Variants in CFAP54 observed in about 807,000 individuals in gnomAD.
CFAP54 encodes cilia- and flagella-associated protein 54.
Under a neutral mutation model 370.4 loss-of-function variants are expected in CFAP54, and 290 were observed. The ratio of observed to expected loss-of-function variants is 0.78; its 90% CI spans 0.71 to 0.86. The LOEUF (loss-of-function observed/expected upper bound fraction) is 0.86, where lower values mean the gene tolerates loss of function less well. Among genes scored for constraint, CFAP54 ranks in the 40% least tolerant of loss-of-function variants. The probability of loss-of-function intolerance (pLI) is 0.00; values close to 1 mark genes in which losing one functional copy is unlikely to be tolerated. For missense variants in CFAP54, 3,399 were observed against 3,528.7 expected (o/e 0.96, Z 0.93); for synonymous variants, 1,206 against 1,236.5 (o/e 0.98, Z 0.52).
At chr12:96,729,607 A>C (rs1266116774) in intron 50 of CFAP54, among the ~76,000 whole-genome samples, 1 of 152,094 alleles carries the variant, frequency 6.6e-6, no homozygotes, top group Non-Finnish European at 1.5e-5. Context: ...TTCCTTAACC[A>C]GGAAAGGGAA....
chr12:96,542,579 T>G (rs1320441878), intron 14 of CFAP54, among the ~76,000 whole-genome samples: 1 of 152,124 alleles, frequency 6.6e-6, no homozygotes, highest in Non-Finnish European at 1.5e-5. Flanking sequence ...TCATTTCATC[T>G]CTCCCTGCAA....
intron 65 of CFAP54, among the ~76,000 whole-genome samples, chr12:96,825,970 A>C (rs1313802447): frequency 2.8e-5 from 4 of 142,854 alleles, no homozygotes; most frequent in Non-Finnish European, 6.1e-5. Context: ...TATATAACAT[A>C]ATATATTAAT....
At chr12:96,595,713 C>T (rs193047031) in intron 25 of CFAP54, among the ~76,000 whole-genome samples, 4 of 152,236 alleles carry the variant, frequency 2.6e-5, no homozygotes, top group Admixed American at 2.0e-4. Context: ...AGTTGACAGC[C>T]TTCTGGGTCA....
At chr12:96,848,099 C>A (rs544762655) in intron 66 of CFAP54, among the ~76,000 whole-genome samples, 1 of 152,172 alleles carries the variant, frequency 6.6e-6, no homozygotes, top group East Asian at 1.9e-4. Flanking sequence ...GTTTTTGAGA[C>A]GGTGTCTTGC....
At chr12:96,500,480 C>T (rs990825582) in intron 1 of CFAP54, among the ~76,000 whole-genome samples, 25 of 152,150 alleles carry the variant, frequency 1.6e-4, no homozygotes, top group Non-Finnish European at 3.5e-4. Flanking sequence ...AGGTTCATCA[C>T]AACAAAGGTA....
Position 96,798,715 on chromosome 12 carries a change from C to T in CFAP54, c.8850+6216C>T, listed in dbSNP as rs79924662. Among the ~76,000 whole-genome samples the T allele has an allele frequency of 6.8e-3, 1,037 of 152,236 alleles. 9 individuals are homozygous for T. Among genetic ancestry groups the T allele is most frequent in the African/African-American group, 0.023 (966 of 41,546 alleles). On this transcript the variant is annotated intron_variant, in intron 63 of 67. Coordinates refer to ENST00000524981, the MANE Select transcript of CFAP54 (RefSeq NM_001306084.2). ...ATCTGTAATTAGAGATAACTATAAACTCCTAACCTCAATAAAGAGTAGTTG... is the reference window on the plus strand; with the variant it reads ...ATCTGTAATTAGAGATAACTATAAATTCCTAACCTCAATAAAGAGTAGTTG...
At chr12:96,798,194 C>T (rs905121777) in intron 63 of CFAP54, among the ~76,000 whole-genome samples, 8 of 151,838 alleles carry the variant, frequency 5.3e-5, no homozygotes, top group East Asian at 1.9e-4. Context: ...TACATATTTA[C>T]TATTTGGTTT....
At chr12:96,632,489 G>A (rs987379124) in intron 32 of CFAP54, among the ~76,000 whole-genome samples, 2 of 151,698 alleles carry the variant, frequency 1.3e-5, no homozygotes, top group Non-Finnish European at 2.9e-5. Context: ...TCAGTTGGCC[G>A]GCACAATTTA....
At chr12:96,608,708 C>T (rs539512962) in intron 26 of CFAP54, among the ~76,000 whole-genome samples, 8 of 152,106 alleles carry the variant, frequency 5.3e-5, no homozygotes, top group South Asian at 4.2e-4. Context: ...GTCATTCACC[C>T]GCCACACCCT....
intron 39 of CFAP54, among the ~76,000 whole-genome samples, chr12:96,677,094 C>T (rs1957218557): frequency 6.6e-6 from 1 of 151,722 alleles, no homozygotes; most frequent in Non-Finnish European, 1.5e-5. Context: ...CCTGGAACTC[C>T]TGGGCTCAGG....
Position 96,569,295 on chromosome 12 carries a change from G to T in CFAP54, c.2619+4530G>T, listed in dbSNP as rs536676871. 5.9e-5 allele frequency among the ~76,000 whole-genome samples: 9 copies of T among 152,252 alleles called. No homozygotes were observed. In the South Asian group the frequency reaches 1.9e-3, roughly 32 times the overall value. ...TATCAGATGTAATCAGGTGGGACTGGTCCTCAAGAGGAAAACTAATGATGC... is the reference window on the plus strand; with the variant it reads ...TATCAGATGTAATCAGGTGGGACTGTTCCTCAAGAGGAAAACTAATGATGC... On this transcript the variant is annotated intron_variant, in intron 19 of 67. Coordinates refer to ENST00000524981, the MANE Select transcript of CFAP54 (RefSeq NM_001306084.2).
At chr12:96,733,577 A>G (rs945177700) in intron 50 of CFAP54, among the ~76,000 whole-genome samples, 7 of 125,666 alleles carry the variant, frequency 5.6e-5, no homozygotes, top group Non-Finnish European at 1.2e-4. Flanking sequence ...GTTCCTTCCT[A>G]TTCTCCTTTA....
At chr12:96,520,986 A>G (rs1337648460) in intron 6 of CFAP54, among the ~76,000 whole-genome samples, 1 of 152,126 alleles carries the variant, frequency 6.6e-6, no homozygotes, top group Non-Finnish European at 1.5e-5. Flanking sequence ...CAGAAAGACA[A>G]CTCATCATGT....
At chr12:96,739,472 T>C (rs137936921) in intron 50 of CFAP54, among the ~76,000 whole-genome samples, 1 of 152,266 alleles carries the variant, frequency 6.6e-6, no homozygotes, top group Non-Finnish European at 1.5e-5. Flanking sequence ...GATTAAACAA[T>C]AATTTAGCTT....
intron 36 of CFAP54, among the ~76,000 whole-genome samples, chr12:96,656,531 G>A (rs1011936703): frequency 4.6e-5 from 7 of 152,214 alleles, no homozygotes; most frequent in East Asian, 3.9e-4. Flanking sequence ...ACAGGCATGC[G>A]CCACCACACC....
Position 96,499,947 on chromosome 12 carries a change from AAAAACAAAAC to A in CFAP54, c.318-857_318-848del, listed in dbSNP as rs147160957. Among the ~76,000 whole-genome samples, 1,008 of 148,802 alleles carry A rather than the reference AAAAACAAAAC, an allele frequency of 6.8e-3. 11 individuals carry two copies. The highest frequency in any genetic ancestry group is 0.028 in the South Asian group (130 of 4,590). ...TGTGACAGGAGCAAGACTCCATCTCAAAAACAAAACAAAACAAAACAAAACAAAACAAAAC... is the reference window on the plus strand; with the variant it reads ...TGTGACAGGAGCAAGACTCCATCTCAAAAACAAAACAAAACAAAACAAAAC... On this transcript the variant is annotated intron_variant, in intron 1 of 67. Coordinates refer to ENST00000524981, the MANE Select transcript of CFAP54 (RefSeq NM_001306084.2).
At chr12:96,736,008 T>C (rs754811175) in intron 50 of CFAP54, among the ~76,000 whole-genome samples, 1 of 152,208 alleles carries the variant, frequency 6.6e-6, no homozygotes, top group Non-Finnish European at 1.5e-5. Flanking sequence ...GCATGTTAAT[T>C]ATGCCCATAA....
At chr12:96,695,004 G>C (rs1201278394) in intron 45 of CFAP54, among the ~76,000 whole-genome samples, 1 of 152,068 alleles carries the variant, frequency 6.6e-6, no homozygotes, top group African/African-American at 2.4e-5. Flanking sequence ...CTGGGCGACA[G>C]GGCGAGACTC....
chr12:96,537,551 A>G (rs1011215038), intron 12 of CFAP54, among the ~76,000 whole-genome samples: 2 of 152,098 alleles, frequency 1.3e-5, no homozygotes, highest in African/African-American at 4.8e-5. Context: ...CATGTTTGCC[A>G]GGCTGGTCTT....
Sources: gnomAD v4.1 joint callset for allele counts (sites outside exome capture counted in the v4.1 genomes callset) on GRCh38, gnomAD v4.1.1 for gene constraint, MANE v1.5 for transcripts, NCBI Gene and HGNC (gene_info 2026-07-23, HGNC 2026-07-21) for gene names.